Variants in KIF4A observed in about 807,000 individuals in gnomAD.
KIF4A encodes chromosome-associated kinesin KIF4A.
A neutral mutation model predicts 105.9 loss-of-function variants in KIF4A; 7 were observed. The observed-to-expected ratio is 0.07, with a 90% CI of 0.04 to 0.12. KIF4A has a LOEUF of 0.12. KIF4A is among the 10% of genes least tolerant of loss of function. The pLI, the probability that KIF4A is intolerant of heterozygous loss-of-function variation, is 1.00. For missense variants in KIF4A, 558 were observed against 929.2 expected (o/e 0.60, Z 5.19); for synonymous variants, 281 against 331.3 (o/e 0.85, Z 1.65).
At chrX:70,401,181 G>T (rs1347035974) in intron 22 of KIF4A, among the ~76,000 whole-genome samples, 1 of 104,033 alleles carries the variant, frequency 9.6e-6, no homozygotes, top group Non-Finnish European at 2.0e-5. Context: ...GCTGGTTCAA[G>T]CAATTCTCCT....
intron 15 of KIF4A, among the ~76,000 whole-genome samples, chrX:70,373,054 T>C (rs779138722): frequency 2.7e-5 from 3 of 111,622 alleles, no homozygotes; most frequent in Non-Finnish European, 5.7e-5. Flanking sequence ...GGAGGATCGC[T>C]TGAGCCCAGG....
At chrX:70,391,239 T>A (rs2079762854) in intron 20 of KIF4A, among the ~76,000 whole-genome samples, 1 of 112,475 alleles carries the variant, frequency 8.9e-6, no homozygotes, top group Admixed American at 9.5e-5. Flanking sequence ...AATTTATTTT[T>A]GTATATTAAC....
chrX:70,336,422 G>A lies in KIF4A; in HGVS notation c.1133+2733G>A, dbSNP rs754165093. Among the ~76,000 whole-genome samples the A allele has an allele frequency of 8.1e-5, 9 of 111,670 alleles. No individual in the cohort carries two copies. In the South Asian group the frequency reaches 3.4e-3, roughly 42 times the overall value. ...GGTAAGTACATTTCTACCTTTATAA[G>A]GTATTGCCATATTTGCCTCCAGAAG... On this transcript the variant is annotated intron_variant, in intron 10 of 30. Transcript: ENST00000374403.
At chrX:70,307,042 T>A (rs972237989) in intron 7 of KIF4A, among the ~76,000 whole-genome samples, 1 of 110,119 alleles carries the variant, frequency 9.1e-6, no homozygotes, top group Admixed American at 9.7e-5. Context: ...CCCAGGCTGG[T>A]CTTGAATGCC....
At chrX:70,346,655 G>A (rs923103655) in intron 13 of KIF4A, among the ~76,000 whole-genome samples, 1 of 111,299 alleles carries the variant, frequency 9.0e-6, no homozygotes, top group Non-Finnish European at 1.9e-5. Flanking sequence ...GTAGGAGGGT[G>A]CTAAAGATTG....
chrX:70,308,589 C>T (rs978931222), intron 7 of KIF4A, among the ~76,000 whole-genome samples: 1 of 112,029 alleles, frequency 8.9e-6, no homozygotes, highest in Non-Finnish European at 1.9e-5. Context: ...TTTATCTCTT[C>T]GTGATACAAC....
intron 15 of KIF4A, among the ~76,000 whole-genome samples, chrX:70,368,212 C>T (rs1469643001): frequency 3.6e-5 from 4 of 111,797 alleles, no homozygotes; most frequent in South Asian, 3.7e-4. Context: ...TCCTTTAGCT[C>T]GGAGTAGTTT....
chrX:70,404,408 T>C (rs1569252905), intron 24 of KIF4A, among the ~76,000 whole-genome samples: 1 of 110,816 alleles, frequency 9.0e-6, no homozygotes, highest in Non-Finnish European at 1.9e-5. Flanking sequence ...AGTGTGATGG[T>C]GTGCACCTGT....
At position 70,404,766 on chromosome X, in the gene KIF4A, T is replaced by C; in HGVS notation, c.2842T>C (p.Leu948=). 8.3e-7 allele frequency: 1 copy of C among 1,208,630 alleles called. No homozygotes were observed. Residue 948 remains leucine (L), a synonymous_variant, in exon 25 of 31, where the codon TTA becomes CTA. Coordinates refer to ENST00000374403, the MANE Select transcript of KIF4A (RefSeq NM_012310.5). ...GCAAAGCCAAATGGCAGAGAAGCAG[T>C]TAGAGGAATCAGTCAGTGAAAAGGA... ...LQQSQMAEKQ[L]EESVSEKEQQ...
intron 26 of KIF4A, 101 bp from the exon 27 acceptor site, chrX:70,406,158 T>C (rs1447531215): frequency 4.6e-6 from 3 of 657,231 alleles, no homozygotes; most frequent in East Asian, 3.3e-5. Flanking sequence ...CACTTTACTA[T>C]GGTTTAACGT....
At position 70,353,744 on chromosome X, in the gene KIF4A, G is replaced by A. The variant is rs1316099162; in HGVS notation, c.1611G>A (p.Glu537=). ...VELNKALALK[E]ALARKMTQND... Reference sequence around the variant, plus strand: ...TGAATAAAGCGCTTGCACTGAAAGAGGCCCTGGCTAGGAAGATGACTCAGA... The same window carrying A: ...TGAATAAAGCGCTTGCACTGAAAGAAGCCCTGGCTAGGAAGATGACTCAGA... Residue 537 remains glutamate (E), a synonymous_variant, in exon 15 of 31, where the codon GAG becomes GAA. Transcript: ENST00000374403. The A allele has an allele frequency of 1.7e-6, 2 of 1,205,684 alleles. No individual in the cohort carries two copies. Among genetic ancestry groups the A allele is most frequent in the Admixed American group, 4.4e-5 (2 of 45,328 alleles).
At chrX:70,390,459 A>G (rs187838351) in intron 20 of KIF4A, among the ~76,000 whole-genome samples, 1 of 111,632 alleles carries the variant, frequency 9.0e-6, no homozygotes, top group African/African-American at 3.2e-5. Context: ...ATCAGGTTGA[A>G]GAAGTTCCTT....
intron 9 of KIF4A, 35 bp from the exon 10 acceptor site, chrX:70,333,593 G>T (rs41306123): frequency 9.2e-7 from 1 of 1,089,495 alleles, no homozygotes; most frequent in South Asian, 1.9e-5. Context: ...CATTTGGTTG[G>T]TGACTAGCTG....
chrX:70,413,943 T>C (rs1405240183), intron 28 of KIF4A, among the ~76,000 whole-genome samples: 1 of 110,709 alleles, frequency 9.0e-6, no homozygotes, highest in Non-Finnish European at 1.9e-5. Context: ...ATGAGCTTAG[T>C]ATCTCAAGGA....
chrX:70,325,294 T>G (rs2085906787), intron 7 of KIF4A, among the ~76,000 whole-genome samples: 1 of 111,718 alleles, frequency 9.0e-6, no homozygotes, highest in Non-Finnish European at 1.9e-5. Context: ...TTTGTTTTTT[T>G]CTTAAGACAA....
At chrX:70,345,676 T>C (rs1298804226) in intron 13 of KIF4A, among the ~76,000 whole-genome samples, 1 of 111,264 alleles carries the variant, frequency 9.0e-6, no homozygotes, top group Non-Finnish European at 1.9e-5. Context: ...CATTTTTTTA[T>C]ACCTCTTCCT....
rs755392782 is a variant in KIF4A at position 70,379,127 on chromosome X, C to T, written c.2034+2917C>T. 2.8e-5 allele frequency among the ~76,000 whole-genome samples: 3 copies of T among 106,230 alleles called. No homozygotes were observed. In the East Asian group the frequency reaches 8.9e-4, roughly 31 times the overall value. The allele number at this position is 106,230 out of a possible 115,157, so 92.2% of individuals were successfully genotyped here. On this transcript the variant is annotated intron_variant, in intron 18 of 30. Coordinates refer to ENST00000374403, the MANE Select transcript of KIF4A (RefSeq NM_012310.5). ...GCAGTGAGCAGAGATCGCACCACTG[C>T]ACTCCAGCCTGGGCAACAGAGCGAG...
intron 15 of KIF4A, among the ~76,000 whole-genome samples, chrX:70,366,144 T>G (rs1305174984): frequency 1.8e-5 from 2 of 111,872 alleles, no homozygotes; most frequent in South Asian, 3.7e-4. Context: ...TCTCTTTTCT[T>G]CTTTATTAGT....
intron 22 of KIF4A, among the ~76,000 whole-genome samples, chrX:70,400,465 G>A (rs1250078932): frequency 9.0e-6 from 1 of 111,394 alleles, no homozygotes; most frequent in African/African-American, 3.3e-5. Context: ...AGGAGGTACC[G>A]CTTGTTGAGT....
Sources: gnomAD v4.1 joint callset for allele counts (sites outside exome capture counted in the v4.1 genomes callset) on GRCh38, gnomAD v4.1.1 for gene constraint, MANE v1.5 for transcripts, NCBI Gene and HGNC (gene_info 2026-07-23, HGNC 2026-07-21) for gene names.